The following RIC1 variants were observed in gnomAD, a reference collection of about 807,000 sequenced individuals.
The protein encoded by RIC1 is RIC1 partner of RAB6A GEF complex.
In RIC1, 88 loss-of-function variants were observed where a neutral mutation model predicts 169.0. The ratio of observed to expected loss-of-function variants is 0.52; its 90% confidence interval spans 0.44 to 0.62. The LOEUF (loss-of-function observed/expected upper bound fraction) is 0.62. Among genes scored for constraint, RIC1 ranks in the 20% least tolerant of loss-of-function variants. The pLI, the probability that RIC1 is intolerant of heterozygous loss-of-function variation, is 0.00. For synonymous variants in RIC1, 790 were observed against 601.5 expected (o/e 1.31, Z -4.59); for missense variants, 1,877 against 1,725.5 (o/e 1.09, Z -1.56).
At chr9:5,701,393 C>T (rs1016328541) in intron 3 of RIC1, among the ~76,000 whole-genome samples, 3 of 152,120 alleles carry the variant, frequency 2.0e-5, no homozygotes, top group African/African-American at 7.2e-5. Context: ...GGGTGGATCA[C>T]TTGAGGTCGG....
At chr9:5,718,530 A>G (rs778354133) in intron 4 of RIC1, among the ~76,000 whole-genome samples, 69 of 152,220 alleles carry the variant, frequency 4.5e-4, no homozygotes, top group Admixed American at 9.8e-4. Context: ...AGCTGCCTAG[A>G]TTATAGCTGC....
chr9:5,765,612 C>T (rs1276026946), intron 20 of RIC1, 40 bp downstream of exon 20: 3 of 1,613,948 alleles, frequency 1.9e-6, no homozygotes, highest in Non-Finnish European at 2.5e-6. Context: ...AGGCCATACA[C>T]CCACGTAGCA....
intron 3 of RIC1, among the ~76,000 whole-genome samples, chr9:5,697,889 G>A (rs1821998997): frequency 6.6e-6 from 1 of 152,188 alleles, no homozygotes; most frequent in African/African-American, 2.4e-5. Context: ...TAAAATAACA[G>A]ATTGCCAGGT....
intron 3 of RIC1, among the ~76,000 whole-genome samples, chr9:5,700,573 T>C: frequency 6.6e-6 from 1 of 151,596 alleles, no homozygotes. Context: ...TATATTAATG[T>C]ATATTTATAA....
At chr9:5,640,493 T>C (rs927986853) in intron 1 of RIC1, among the ~76,000 whole-genome samples, 1 of 152,214 alleles carries the variant, frequency 6.6e-6, no homozygotes, top group Non-Finnish European at 1.5e-5. Flanking sequence ...GTTGTCGTTA[T>C]TCTTTATTGG....
intron 1 of RIC1, among the ~76,000 whole-genome samples, chr9:5,642,844 A>G (rs1204754187): frequency 6.6e-6 from 1 of 152,090 alleles, no homozygotes; most frequent in East Asian, 1.9e-4. Flanking sequence ...AGTTCTTTTT[A>G]TTTCTCATTC....
At chr9:5,663,418 A>G (rs988311049) in intron 2 of RIC1, among the ~76,000 whole-genome samples, 10 of 152,034 alleles carry the variant, frequency 6.6e-5, no homozygotes, top group Non-Finnish European at 1.5e-4. Context: ...AATATTGTCA[A>G]TGGTGTGTTA....
At chr9:5,761,400 C>T (rs1586706646) in intron 17 of RIC1, among the ~76,000 whole-genome samples, 1 of 151,986 alleles carries the variant, frequency 6.6e-6, no homozygotes, top group African/African-American at 2.4e-5. Flanking sequence ...AGGTGTGAGC[C>T]ACTGCGCCCA....
intron 2 of RIC1, among the ~76,000 whole-genome samples, chr9:5,657,016 TCTGTTTTGACTCTG>T (rs1403806637): frequency 6.6e-6 from 1 of 152,072 alleles, no homozygotes. Context: ...TACTATAGCT[TCTGTTTTGACTCTG>T]CTGCTTCCTT....
In RIC1 at chr9:5,763,409, C is replaced by T. The variant is rs150084765; in HGVS notation, c.2382C>T (p.Asp794=). The change falls in exon 19 of 26, where the codon GAC becomes GAT. Residue 794 remains aspartate (D), a synonymous_variant. Coordinates refer to ENST00000414202, the MANE Select transcript of RIC1 (RefSeq NM_020829.4). This position sits in a 1 kb window ranked among gnomAD's most constrained non-coding sequence, Gnocchi z 5.2. Reference sequence around the variant, plus strand: ...CTTTAGTCCTTGGTGCTGTCAATGACACTTTGCTCTATGATTCTTTATATA... The same window carrying T: ...CTTTAGTCCTTGGTGCTGTCAATGATACTTTGCTCTATGATTCTTTATATA... ...EDALVLGAVN[D]TLLYDSLYTR... The T allele has an allele frequency of 3.0e-5, 49 of 1,614,044 alleles. No homozygotes were observed. The African/African-American group carries it at 6.0e-4, about 20-fold the overall frequency.
chr9:5,633,865 G>A (rs148231316), intron 1 of RIC1, among the ~76,000 whole-genome samples: 2,586 of 152,244 alleles, frequency 0.017, 50 homozygotes, highest in Non-Finnish European at 0.022. Context: ...TCTTATACCT[G>A]AAAATTTGTA....
chr9:5,688,531 C>T (rs1821392413), intron 2 of RIC1, among the ~76,000 whole-genome samples: 1 of 152,076 alleles, frequency 6.6e-6, no homozygotes, highest in Non-Finnish European at 1.5e-5. Flanking sequence ...CCATACTCTC[C>T]ATATTGCAAG....
At chr9:5,664,103 C>A (rs563079389) in intron 2 of RIC1, among the ~76,000 whole-genome samples, 1 of 152,158 alleles carries the variant, frequency 6.6e-6, no homozygotes, top group East Asian at 1.9e-4. Context: ...GTTGGAAATT[C>A]TTTACTTTAA....
chr9:5,769,583 C>A, intron 22 of RIC1: 2 of 693,754 alleles, frequency 2.9e-6, no homozygotes, highest in Non-Finnish European at 4.3e-6. Context: ...ATCAGATAGA[C>A]ATGGACCTCA....
rs537891137 is a variant in RIC1, at chr9:5,757,317, A to G, written c.1858A>G (p.Asn620Asp). The G allele has an allele frequency of 7.1e-4, 1,139 of 1,614,014 alleles. 17 individuals carry two copies. In the South Asian group the frequency reaches 0.011, roughly 16 times the overall value. The part of the protein sequence containing the change: ...YSIERKSDGP[N>D]TTAGIQVLQE... ...GGGTTTCTTTTGTTTTTACAGTCCA[A>G]ATACTACTGCTGGTATTCAAGTTCT... is the stretch of plus-strand genomic sequence containing the variant. The change falls in exon 17 of 26, where the codon AAT becomes GAT. Residue 620 changes from asparagine to aspartate, a missense_variant. Physicochemically the swap from Asn to Asp is conservative, Grantham distance 23. Transcript: ENST00000414202.
In RIC1 at chr9:5,763,143, C is replaced by A. The variant is rs1826449433; in HGVS notation, c.2116C>A (p.Pro706Thr). 1 of 1,611,230 alleles carries A rather than the reference C, an allele frequency of 6.2e-7. No individual in the cohort carries two copies. The highest frequency in any genetic ancestry group is 8.5e-7 in the Non-Finnish European group (1 of 1,177,720). Residue 706 changes from proline to threonine, a missense_variant, in exon 19 of 26, where the codon CCA becomes ACA. Pro to Thr is a conservative substitution (Grantham distance 38). Transcript: ENST00000414202. The surrounding 1 kb of genome is among the most constrained non-coding windows in gnomAD (Gnocchi z 5.2). ...ATTCTTGTCTCTCCTTCTCCAGCTGCCATTCTGTCCTCCTGTTGTACTAGC... is the reference window on the plus strand; with the variant it reads ...ATTCTTGTCTCTCCTTCTCCAGCTGACATTCTGTCCTCCTGTTGTACTAGC... ...SNPNNQRKLL[P>T]FCPPVVLAQS...
chr9:5,715,270 G>A (rs545137949), intron 4 of RIC1, among the ~76,000 whole-genome samples: 6 of 152,144 alleles, frequency 3.9e-5, no homozygotes, highest in Non-Finnish European at 8.8e-5. Flanking sequence ...AGGTGGAATT[G>A]TACAGGCTTG....
intron 1 of RIC1, among the ~76,000 whole-genome samples, chr9:5,636,698 C>T (rs1475238313): frequency 6.6e-6 from 1 of 152,156 alleles, no homozygotes; most frequent in East Asian, 1.9e-4. Context: ...GATTTTATAT[C>T]TTGCAACTTT....
intron 10 of RIC1, among the ~76,000 whole-genome samples, chr9:5,745,306 T>A (rs1329869946): frequency 6.6e-6 from 1 of 152,180 alleles, no homozygotes; most frequent in Admixed American, 6.5e-5. Flanking sequence ...AGATTGAGAA[T>A]CACTAATCTT....
Sources: allele counts gnomAD v4.1 joint callset (sites outside exome capture counted in the v4.1 genomes callset), GRCh38; gene constraint gnomAD v4.1.1; non-coding constraint Gnocchi (gnomAD v3.1); transcripts MANE v1.5; gene names NCBI Gene and HGNC (gene_info 2026-07-23, HGNC 2026-07-21).